NCALD: variants seen among roughly 807,000 people sequenced by gnomAD.
The protein encoded by NCALD is neurocalcin delta.
Under a neutral mutation model 18.6 loss-of-function variants are expected in NCALD, and 10 were observed. That is an observed-to-expected ratio of 0.54 (90% CI 0.33 to 0.91). The LOEUF (loss-of-function observed/expected upper bound fraction) is 0.91, where lower values mean the gene tolerates loss of function less well. NCALD is among the 40% of genes least tolerant of loss of function. NCALD has a pLI of 0.03. For synonymous variants in NCALD, 88 were observed against 87.4 expected (o/e 1.01, Z -0.04); for missense variants, 184 against 247.6 (o/e 0.74, Z 1.72).
chr8:102,012,542 A>C (rs1443180248), intron 2 of NCALD, among the ~76,000 whole-genome samples: 3 of 152,030 alleles, frequency 2.0e-5, no homozygotes, highest in Non-Finnish European at 4.4e-5. Flanking sequence ...TGCCTCAAAC[A>C]CTCCTCTAGT....
At chr8:102,099,993 A>AAAGAAGAAG (rs1554596972) in intron 1 of NCALD, among the ~76,000 whole-genome samples, 2 of 50,284 alleles carry the variant, frequency 4.0e-5, no homozygotes, top group Non-Finnish European at 9.4e-5. Flanking sequence ...AAAAAAAAAA[A>AAAGAAGAAG]AAGAAGAAGA....
intron 1 of NCALD, chr8:101,780,074 C>T (rs1811950733): frequency 6.6e-6 from 1 of 152,052 alleles, no homozygotes; most frequent in Non-Finnish European, 1.5e-5. Context: ...AATGATGTTT[C>T]TTTTCTTTTT....
At chr8:101,955,123 A>G (rs539110851) in intron 2 of NCALD, among the ~76,000 whole-genome samples, 1 of 152,344 alleles carries the variant, frequency 6.6e-6, no homozygotes, top group African/African-American at 2.4e-5. Flanking sequence ...GGCAGAAGCA[A>G]TGAATAAGGC....
intron 2 of NCALD, among the ~76,000 whole-genome samples, chr8:101,962,604 C>A (rs1389089680): frequency 2.0e-5 from 3 of 152,166 alleles, no homozygotes; most frequent in African/African-American, 7.2e-5. Context: ...TGGGATCTTG[C>A]TGGATATGCA....
chr8:101,994,167 T>TGA (rs1821152524), intron 2 of NCALD, among the ~76,000 whole-genome samples: 1 of 152,224 alleles, frequency 6.6e-6, no homozygotes, highest in Non-Finnish European at 1.5e-5. Context: ...ATAACTTTGG[T>TGA]GATCTCTCTC....
intron 1 of NCALD, among the ~76,000 whole-genome samples, chr8:102,059,136 T>C (rs1823755249): frequency 6.6e-6 from 1 of 152,232 alleles, no homozygotes; most frequent in African/African-American, 2.4e-5. Context: ...ATAGCAAATA[T>C]AGTTCCGTAT....
At chr8:101,994,561 G>A (rs1013686994) in intron 2 of NCALD, among the ~76,000 whole-genome samples, 1 of 152,238 alleles carries the variant, frequency 6.6e-6, no homozygotes, top group Non-Finnish European at 1.5e-5. Context: ...TAGCACAGTG[G>A]TTAAAGACAC....
chr8:102,039,472 G>A (rs1252179522), intron 1 of NCALD, among the ~76,000 whole-genome samples: 1 of 152,122 alleles, frequency 6.6e-6, no homozygotes, highest in Non-Finnish European at 1.5e-5. Flanking sequence ...TTGTCTAATA[G>A]TTTGGAGTTT....
intron 2 of NCALD, among the ~76,000 whole-genome samples, chr8:101,936,434 G>A (rs1430415007): frequency 2.6e-5 from 4 of 152,124 alleles, no homozygotes; most frequent in Admixed American, 6.6e-5. Flanking sequence ...ACAGCCAAGA[G>A]GTGGCAAAGT....
chr8:101,876,425 C>T (rs1816229628), intron 4 of NCALD, among the ~76,000 whole-genome samples: 1 of 152,226 alleles, frequency 6.6e-6, no homozygotes, highest in African/African-American at 2.4e-5. Flanking sequence ...AGTATTATAG[C>T]AAGTTCCTGC....
intron 1 of NCALD, among the ~76,000 whole-genome samples, chr8:102,121,420 C>A (rs1476462474): frequency 6.6e-6 from 1 of 152,032 alleles, no homozygotes; most frequent in Non-Finnish European, 1.5e-5. Flanking sequence ...CAGAAAAGTA[C>A]CCTCTGAACA....
At chr8:101,758,488 T>C (rs1359682622) in intron 1 of NCALD, among the ~76,000 whole-genome samples, 1 of 152,216 alleles carries the variant, frequency 6.6e-6, no homozygotes, top group Non-Finnish European at 1.5e-5. Context: ...TTTCCTTGAA[T>C]CCCAATACCA....
At chr8:101,884,048 C>G (rs543794056) in intron 4 of NCALD, among the ~76,000 whole-genome samples, 1 of 152,346 alleles carries the variant, frequency 6.6e-6, no homozygotes, top group African/African-American at 2.4e-5. Flanking sequence ...TGCCACCCCT[C>G]TAGCTTTCCC....
chr8:101,986,113 C>T (rs993407790), intron 2 of NCALD, among the ~76,000 whole-genome samples: 3 of 152,102 alleles, frequency 2.0e-5, no homozygotes. Flanking sequence ...TCACTGCAAC[C>T]TCCGCCTCCC....
intron 2 of NCALD, among the ~76,000 whole-genome samples, chr8:102,008,716 T>G (rs974034376): frequency 6.6e-6 from 1 of 152,166 alleles, no homozygotes; most frequent in African/African-American, 2.4e-5. Context: ...CCAAGCCCCT[T>G]TGCCTTGACA....
intron 2 of NCALD, among the ~76,000 whole-genome samples, chr8:101,951,457 C>T (rs1052256020): frequency 6.6e-6 from 1 of 152,098 alleles, no homozygotes; most frequent in Non-Finnish European, 1.5e-5. Context: ...CCACAAATGT[C>T]AGGGAGGGAG....
rs969440633 is a variant in NCALD at position 101,987,905 on chromosome 8, A to G, written c.-157+32332T>C. On this transcript the variant is annotated intron_variant, in intron 2 of 6. Transcript: ENST00000311028. ...CGCGGTGGCTCATGCCTGTAATCCC[A>G]GCACTTTCGGAGGCCGAGGCGGGCG... Among the ~76,000 whole-genome samples the G allele has an allele frequency of 5.9e-5, 9 of 152,238 alleles. 1 individual carries two copies. Among genetic ancestry groups the G allele is most frequent in the Admixed American group, 6.5e-5 (1 of 15,286 alleles).
chr8:101,803,256 A>C lies in NCALD; in HGVS notation c.-19-83608T>G, dbSNP rs898492136. Among the ~76,000 whole-genome samples, 52 of 152,194 alleles carry C rather than the reference A, an allele frequency of 3.4e-4. 1 individual carries two copies. Among genetic ancestry groups the C allele is most frequent in the African/African-American group, 1.3e-3 (52 of 41,438 alleles). Reference sequence around the variant, plus strand: ...TCTGCCTGTGCTCCATAAATGGAACAACAAAGCCTGGATCACAGTACATCT... The same window carrying C: ...TCTGCCTGTGCTCCATAAATGGAACCACAAAGCCTGGATCACAGTACATCT... On this transcript the variant is annotated intron_variant, in intron 4 of 6. Transcript: ENST00000311028.
intron 2 of NCALD, among the ~76,000 whole-genome samples, chr8:101,945,313 C>T (rs770545253): frequency 8.5e-5 from 13 of 152,080 alleles, no homozygotes; most frequent in Non-Finnish European, 1.8e-4. Flanking sequence ...CCCTCATGGA[C>T]CTTACAATGG....
Sources: allele counts gnomAD v4.1 joint callset (sites outside exome capture counted in the v4.1 genomes callset), GRCh38; gene constraint gnomAD v4.1.1; transcripts MANE v1.5; gene names NCBI Gene and HGNC (gene_info 2026-07-23, HGNC 2026-07-21).